Variants in ENTREP3 observed in about 807,000 individuals in gnomAD.
ENTREP3 encodes endosomal transmembrane epsin interactor 3.
the ENTREP3 span, chr1:155,247,368 T>G: frequency 6.2e-6 from 3 of 484,734 alleles, no homozygotes; most frequent in East Asian, 1.2e-4. Context: ...AGAGGCCACC[T>G]AGATTTTTTG....
At chr1:155,254,771 G>C in the ENTREP3 span, 1 of 1,613,878 alleles carries the variant, frequency 6.2e-7, no homozygotes, top group Non-Finnish European at 8.5e-7. This position sits in a 1 kb window ranked among gnomAD's most constrained non-coding sequence, Gnocchi z 4.4. Flanking sequence ...CAGCCCCAGC[G>C]TAAGCAGGGC....
At chr1:155,247,956 C>G in the ENTREP3 span, 1 of 1,604,546 alleles carries the variant, frequency 6.2e-7, no homozygotes. Flanking sequence ...TCCGGGGCAC[C>G]TGGACAGGGA....
the ENTREP3 span, among the ~76,000 whole-genome samples, chr1:155,252,424 C>T: frequency 1.3e-5 from 2 of 151,724 alleles, no homozygotes; most frequent in South Asian, 4.2e-4. Flanking sequence ...GGCTGGAGTA[C>T]AATGGCTACA....
At chr1:155,254,968 C>A in the ENTREP3 span, 1 of 1,013,274 alleles carries the variant, frequency 9.9e-7, no homozygotes. This position sits in a 1 kb window ranked among gnomAD's most constrained non-coding sequence, Gnocchi z 4.4. Context: ...TTTCTCCTCT[C>A]CACCCCACTC....
the ENTREP3 span, chr1:155,254,701 G>T: frequency 6.2e-7 from 1 of 1,607,590 alleles, no homozygotes; most frequent in Admixed American, 1.7e-5. The surrounding 1 kb of genome is among the most constrained non-coding windows in gnomAD (Gnocchi z 4.4). Flanking sequence ...TCTCGGTGGT[G>T]GTGACGGAAG....
chr1:155,253,533 G>A, the ENTREP3 span: 1 of 835,822 alleles, frequency 1.2e-6, no homozygotes, highest in East Asian at 2.5e-5. Flanking sequence ...TCAAAAGCCA[G>A]ATCTGTAGCC....
chr1:155,249,696 G>A, the ENTREP3 span, among the ~76,000 whole-genome samples: 2 of 151,960 alleles, frequency 1.3e-5, no homozygotes, highest in African/African-American at 2.4e-5. Context: ...TGGATAACAC[G>A]GTGAAACCCC....
the ENTREP3 span, chr1:155,253,508 C>T: frequency 1.5e-6 from 1 of 665,606 alleles, no homozygotes; most frequent in African/African-American, 1.8e-5. Context: ...ATAGATAACC[C>T]ATAGCCCCTG....
chr1:155,251,131 A>G, the ENTREP3 span: 2 of 1,612,342 alleles, frequency 1.2e-6, no homozygotes, highest in Non-Finnish European at 1.7e-6. Context: ...CAGATGCACG[A>G]GCCATCGTGA....
chr1:155,254,939 G>T, the ENTREP3 span: 1 of 1,307,478 alleles, frequency 7.6e-7, no homozygotes, highest in Non-Finnish European at 1.1e-6. The surrounding 1 kb of genome is among the most constrained non-coding windows in gnomAD (Gnocchi z 4.4). Flanking sequence ...GCATCTCAGA[G>T]GCGCCCAAGG....
At chr1:155,247,527 C>T in the ENTREP3 span, 2 of 699,774 alleles carry the variant, frequency 2.9e-6, no homozygotes, top group South Asian at 3.0e-5. Context: ...ATTTGTTTTC[C>T]TCCTCCAGTG....
At chr1:155,250,350 T>G in the ENTREP3 span, 2 of 1,535,920 alleles carry the variant, frequency 1.3e-6, no homozygotes, top group Non-Finnish European at 1.8e-6. This position sits in a 1 kb window ranked among gnomAD's most constrained non-coding sequence, Gnocchi z 5.4. Context: ...GGATGCCGGA[T>G]GAGGAGGCCG....
the ENTREP3 span, chr1:155,247,899 G>C: frequency 6.3e-7 from 1 of 1,582,868 alleles, no homozygotes; most frequent in Non-Finnish European, 8.6e-7. Flanking sequence ...TCAGATCTCC[G>C]CAGCTGCGAA....
chr1:155,247,949 G>A, the ENTREP3 span: 18 of 1,602,926 alleles, frequency 1.1e-5, no homozygotes, highest in African/African-American at 9.4e-5. Context: ...CACAGGCTCC[G>A]GGGCACCTGG....
chr1:155,254,991 A>T, the ENTREP3 span: 2 of 822,172 alleles, frequency 2.4e-6, no homozygotes, highest in Non-Finnish European at 3.8e-6. This position sits in a 1 kb window ranked among gnomAD's most constrained non-coding sequence, Gnocchi z 4.4. Context: ...TCTAGAGCCC[A>T]CCCCCTGGCT....
chr1:155,250,048 A>T, the ENTREP3 span, among the ~76,000 whole-genome samples: 1 of 151,848 alleles, frequency 6.6e-6, no homozygotes, highest in East Asian at 1.9e-4. This position sits in a 1 kb window ranked among gnomAD's most constrained non-coding sequence, Gnocchi z 5.4. Context: ...ACAGAGCCAG[A>T]GACTCCGTCT....
chr1:155,253,591 T>C, the ENTREP3 span: 6 of 1,495,442 alleles, frequency 4.0e-6, no homozygotes, highest in Non-Finnish European at 5.6e-6. Context: ...GCCCCCACCA[T>C]ACCTGCGTGC....
chr1:155,248,268 G>T, the ENTREP3 span: 2 of 1,600,988 alleles, frequency 1.2e-6, no homozygotes, highest in Non-Finnish European at 1.7e-6. Context: ...GAAGGGCAGC[G>T]GGCTAGGCGG....
chr1:155,249,715 T>C, the ENTREP3 span, among the ~76,000 whole-genome samples: 1 of 151,790 alleles, frequency 6.6e-6, no homozygotes, highest in South Asian at 2.1e-4. Context: ...CCATCTCTAC[T>C]AAAAATACAA....
Sources: gnomAD v4.1 joint callset for allele counts (sites outside exome capture counted in the v4.1 genomes callset) on GRCh38, gnomAD v4.1.1 for gene constraint, Gnocchi (gnomAD v3.1) non-coding constraint, MANE v1.5 for transcripts, NCBI Gene and HGNC (gene_info 2026-07-23, HGNC 2026-07-21) for gene names.